The following CD200R1L variants were observed in gnomAD, a reference collection of about 807,000 sequenced individuals.
CD200R1L encodes the protein cell surface glycoprotein CD200 receptor 2.
CD200R1L carries 14 observed loss-of-function variants against 24.8 expected under a neutral mutation model. That is an observed-to-expected ratio of 0.56 (90% CI 0.37 to 0.88). The LOEUF (loss-of-function observed/expected upper bound fraction) is 0.88. Ranked by LOEUF, CD200R1L falls within the 40% of genes least tolerant of loss-of-function variation. The probability of loss-of-function intolerance (pLI) is 0.00; values close to 1 mark genes in which losing one functional copy is unlikely to be tolerated. For missense variants in CD200R1L, 299 were observed against 297.8 expected, an observed-to-expected ratio of 1.00 and a Z score of -0.03; for synonymous variants, 111 against 109.2, an observed-to-expected ratio of 1.02 and a Z score of -0.11.
At chr3:112,843,466 G>A (rs754602265) in intron 2 of CD200R1L, among the ~76,000 whole-genome samples, 4 of 152,162 alleles carry the variant, frequency 2.6e-5, no homozygotes, top group Non-Finnish European at 5.9e-5. Flanking sequence ...TCCAAACTAA[G>A]CTTCATAAGC....
chr3:112,833,768 C>G (rs958066026), intron 3 of CD200R1L, among the ~76,000 whole-genome samples: 1 of 152,128 alleles, frequency 6.6e-6, no homozygotes, highest in Non-Finnish European at 1.5e-5. Flanking sequence ...GGACCAAAAC[C>G]CAAAGCTTAG....
In CD200R1L at chr3:112,845,917, A is replaced by G. The variant is rs1939192173; in HGVS notation, c.-325T>C. ...CTGTCATTCTATATGTTTTTGACTG[A>G]TTAACCACTGATGGGAAATGTCAGT... is the stretch of plus-strand genomic sequence containing the variant. On this transcript the variant is annotated 5_prime_UTR_variant, in exon 2 of 8. Coordinates refer to ENST00000488794, the MANE Select transcript of CD200R1L (RefSeq NM_001199215.3). 1 of 542,610 alleles carries G rather than the reference A, an allele frequency of 1.8e-6. No homozygotes were observed. Among genetic ancestry groups the G allele is most frequent in the Admixed American group, 3.4e-5 (1 of 29,014 alleles). 33.6% of individuals were successfully genotyped at this position (542,610 alleles called of 1,614,324 possible). A position where few individuals can be genotyped will look rare whatever the true frequency, so the allele number is the denominator to read the frequency against.
At chr3:112,824,660 G>A (rs1938614932) in intron 6 of CD200R1L, among the ~76,000 whole-genome samples, 1 of 152,204 alleles carries the variant, frequency 6.6e-6, no homozygotes, top group Non-Finnish European at 1.5e-5. Context: ...AAAGAACCAA[G>A]TGAGAATACG....
rs954989800 is a variant in CD200R1L, at chr3:112,819,694, A to G, written c.740+78T>C. ...AAAAAAGTGTCAAGCTTTTCCCAGT[A>G]CATTGTAAACTCAAAATGTTACAAT... On this transcript the variant is annotated intron_variant, in intron 7 of 7. Transcript: ENST00000488794. 3 of 1,434,340 alleles carry G rather than the reference A, an allele frequency of 2.1e-6. No individual in the cohort carries two copies. In the East Asian group the frequency reaches 7.5e-5, roughly 36 times the overall value. The allele number at this position is 1,434,340 out of a possible 1,614,324, so 88.9% of individuals were successfully genotyped here.
chr3:112,825,587 G>T (rs2107335999), intron 6 of CD200R1L, among the ~76,000 whole-genome samples: 1 of 152,070 alleles, frequency 6.6e-6, no homozygotes, highest in East Asian at 1.9e-4. Context: ...TAGATGTGAG[G>T]TGATATAGAA....
chr3:112,836,379 A>T (rs1166215212), intron 3 of CD200R1L, among the ~76,000 whole-genome samples: 4 of 152,254 alleles, frequency 2.6e-5, no homozygotes, highest in Admixed American at 2.0e-4. Flanking sequence ...CACTCCAGAC[A>T]GCCCGCCACT....
intron 6 of CD200R1L, among the ~76,000 whole-genome samples, chr3:112,820,286 C>T (rs1938503719): frequency 6.6e-6 from 1 of 152,170 alleles, no homozygotes; most frequent in African/African-American, 2.4e-5. Flanking sequence ...ACACTTTCCA[C>T]ACAATGAAGT....
rs1197835623 is a variant in CD200R1L at position 112,829,297 on chromosome 3, C to T, written c.49+22G>A. The T allele has an allele frequency of 3.1e-6, 5 of 1,596,348 alleles. No homozygotes were observed. The Admixed American group carries it at 5.0e-5, about 16-fold the overall frequency. On this transcript the variant is annotated intron_variant, in intron 4 of 7. Coordinates refer to ENST00000488794, the MANE Select transcript of CD200R1L (RefSeq NM_001199215.3). ...CAACTTTCCATCCCTCAGTGCTGGC[C>T]ACTACTAAGGGAGCATATTACCTTC...
intron 6 of CD200R1L, among the ~76,000 whole-genome samples, chr3:112,823,524 G>A (rs1938590572): frequency 6.6e-6 from 1 of 152,300 alleles, no homozygotes; most frequent in South Asian, 2.1e-4. Context: ...TGTCCAGAGA[G>A]TTGGAGAATT....
At chr3:112,821,328 AAAAT>A (rs1327869501) in intron 6 of CD200R1L, among the ~76,000 whole-genome samples, 3 of 152,256 alleles carry the variant, frequency 2.0e-5, no homozygotes, top group African/African-American at 7.2e-5. Flanking sequence ...ATATGAAAGA[AAAAT>A]AAAAGCTCAA....
chr3:112,841,316 G>A (rs1352855886), intron 2 of CD200R1L: 1 of 448,478 alleles, frequency 2.2e-6, no homozygotes. Flanking sequence ...AGTTTTTTGA[G>A]GCCTCCTCAG....
chr3:112,839,232 G>C (rs1413338974), intron 2 of CD200R1L, among the ~76,000 whole-genome samples: 1 of 152,154 alleles, frequency 6.6e-6, no homozygotes, highest in African/African-American at 2.4e-5. Context: ...TCTGGAATTG[G>C]TCATCTAATC....
intron 3 of CD200R1L, among the ~76,000 whole-genome samples, chr3:112,835,084 G>C (rs1938902797): frequency 6.6e-6 from 1 of 152,178 alleles, no homozygotes; most frequent in East Asian, 1.9e-4. Flanking sequence ...AGCCCTGTTT[G>C]TGTTACAGCT....
intron 2 of CD200R1L, among the ~76,000 whole-genome samples, chr3:112,842,209 C>G (rs1241206971): frequency 2.0e-5 from 3 of 152,210 alleles, no homozygotes; most frequent in Non-Finnish European, 2.9e-5. Context: ...GGAAAAGAAT[C>G]TCAGGCTACA....
chr3:112,832,577 T>A (rs193289708), intron 3 of CD200R1L, among the ~76,000 whole-genome samples: 1 of 152,204 alleles, frequency 6.6e-6, no homozygotes, highest in Non-Finnish European at 1.5e-5. Context: ...GTCCCCATCA[T>A]GTCTCTTACT....
intron 2 of CD200R1L, among the ~76,000 whole-genome samples, chr3:112,841,882 G>A (rs1466724636): frequency 2.0e-5 from 3 of 152,244 alleles, no homozygotes; most frequent in Non-Finnish European, 2.9e-5. Context: ...GATGAGATCT[G>A]TGGCCTAAGT....
chr3:112,822,971 A>G (rs923733762), intron 6 of CD200R1L, among the ~76,000 whole-genome samples: 1 of 152,218 alleles, frequency 6.6e-6, no homozygotes, highest in Non-Finnish European at 1.5e-5. Context: ...CTCTCATACA[A>G]TGACTACCAC....
At chr3:112,831,473 T>G (rs1938796449) in intron 3 of CD200R1L, among the ~76,000 whole-genome samples, 1 of 152,190 alleles carries the variant, frequency 6.6e-6, no homozygotes, top group African/African-American at 2.4e-5. Flanking sequence ...TAGGTTGAAT[T>G]GTATATCTGA....
At chr3:112,836,636 T>G (rs960233312) in intron 3 of CD200R1L, among the ~76,000 whole-genome samples, 10 of 152,242 alleles carry the variant, frequency 6.6e-5, no homozygotes, top group African/African-American at 2.4e-4. Flanking sequence ...GCCAAACACC[T>G]TTTTGACATA....
Sources: allele counts gnomAD v4.1 joint callset (sites outside exome capture counted in the v4.1 genomes callset), GRCh38; gene constraint gnomAD v4.1.1; transcripts MANE v1.5; gene names NCBI Gene and HGNC (gene_info 2026-07-23, HGNC 2026-07-21).